Variants in TIMM22 observed in about 807,000 individuals in gnomAD.
TIMM22 encodes translocase of inner mitochondrial membrane 22.
Under a neutral mutation model 18.3 loss-of-function variants are expected in TIMM22, and 12 were observed. The ratio of observed to expected loss-of-function variants is 0.65; its 90% confidence interval spans 0.42 to 1.06. TIMM22 has a LOEUF of 1.06. Ranked by LOEUF, TIMM22 falls within the 50% of genes least tolerant of loss-of-function variation. TIMM22 has a pLI of 0.00. For missense variants in TIMM22, 278 were observed against 252.8 expected, an observed-to-expected ratio of 1.10 and a Z score of -0.68; for synonymous variants, 107 against 98.5, an observed-to-expected ratio of 1.09 and a Z score of -0.51.
rs1208529659 is a variant in TIMM22, at chr17:1,000,999, GT to G, written c.509-10del. 6.2e-7 allele frequency: 1 copy of G among 1,613,840 alleles called. No homozygotes were observed. The highest frequency in any genetic ancestry group is 1.3e-5 in the African/African-American group (1 of 75,060). ...TGTCACCACAGGTCATGTTCTTTCT[GT>G]TTGTTTGACAGCTGGCTTAAAGGCT... On this transcript the variant is annotated splice_polypyrimidine_tract_variant and intron_variant, in intron 3 of 3. Transcript: ENST00000327158.
At chr17:999,017 C>T in intron 2 of TIMM22, 42 bp downstream of exon 2, 1 of 1,559,486 alleles carries the variant, frequency 6.4e-7, no homozygotes, top group South Asian at 1.2e-5. Flanking sequence ...CTGGGGCCAC[C>T]ATTTCATTAC....
intron 2 of TIMM22, 119 bp downstream of exon 2, chr17:999,094 C>A: frequency 9.6e-7 from 1 of 1,036,670 alleles, no homozygotes; most frequent in Non-Finnish European, 1.4e-6. Context: ...TCAGAAGCAT[C>A]AGATACATTC....
chr17:1,001,278 C>T lies in TIMM22; in HGVS notation c.*190C>T, dbSNP rs1251639021. 1.6e-5 allele frequency: 9 copies of T among 562,520 alleles called. No homozygotes were observed. The highest frequency in any genetic ancestry group is 5.8e-5 in the South Asian group (3 of 51,658). The allele number at this position is 562,520 out of a possible 1,614,324, so 34.8% of individuals were successfully genotyped here. ...CCTTTGGGGTAGCCACACTTTGCTG[C>T]TCCTGGACTCCAGCCAGCCTTCACA... On this transcript the variant is annotated 3_prime_UTR_variant, in exon 4 of 4. Transcript: ENST00000327158.
At position 997,295 on chromosome 17, in the gene TIMM22, A is replaced by G; in HGVS notation, c.153A>G (p.Pro51=). The G allele has an allele frequency of 6.2e-7, 1 of 1,613,772 alleles. No individual in the cohort carries two copies. Among genetic ancestry groups the G allele is most frequent in the East Asian group, 2.2e-5 (1 of 44,862 alleles). The change falls in exon 1 of 4, where the codon CCA becomes CCG. Residue 51 remains proline (P), a synonymous_variant. Transcript: ENST00000327158. ...LLEPGSLGGI[P]SPAKSEEQKM... Reference sequence around the variant, plus strand: ...AGCCTGGGAGCCTGGGCGGGATCCCAAGTCCAGCCAAGAGTGAGGAGCAGA... The same window carrying G: ...AGCCTGGGAGCCTGGGCGGGATCCCGAGTCCAGCCAAGAGTGAGGAGCAGA...
chr17:999,381 A>G (rs868418337), intron 2 of TIMM22, 131 bp from the exon 3 acceptor site: 4 of 531,748 alleles, frequency 7.5e-6, no homozygotes, highest in South Asian at 3.6e-5. Flanking sequence ...CTTAGGAACT[A>G]TATTTTCAAG....
At position 1,002,273 on chromosome 17, in the gene TIMM22, G is replaced by A. The variant is rs1228674847; in HGVS notation, c.*1185G>A. On this transcript the variant is annotated 3_prime_UTR_variant, in exon 4 of 4. Transcript: ENST00000327158. ...TTTGCTCTTGGGTGGGGCACAGGCA[G>A]GTCGCTTGGTGGGGGCCACACAGTG... 1 of 152,346 alleles carries A rather than the reference G, an allele frequency of 6.6e-6. No individual in the cohort carries two copies. Among genetic ancestry groups the A allele is most frequent in the Non-Finnish European group, 1.5e-5 (1 of 68,160 alleles). The allele number at this position is 152,346 out of a possible 1,614,324, so 9.4% of individuals were successfully genotyped here.
chr17:999,358 T>TATACATACAC (rs1408779709), intron 2 of TIMM22, among the ~76,000 whole-genome samples, 154 bp from the exon 3 acceptor site: 6 of 132,584 alleles, frequency 4.5e-5, no homozygotes, highest in African/African-American at 1.9e-4. Flanking sequence ...TATATATATA[T>TATACATACAC]ACACGCTGTA....
At position 1,003,125 on chromosome 17, in the gene TIMM22, G is replaced by C. The variant is rs993664341; in HGVS notation, c.*2037G>C. On this transcript the variant is annotated 3_prime_UTR_variant, in exon 4 of 4. Transcript: ENST00000327158. ...TCTGACAAGCAGATTAGACCAAAAG[G>C]CTGCCTCAAAGATATGCCACTTTGA... The C allele has an allele frequency of 2.6e-5, 4 of 152,136 alleles. No individual in the cohort carries two copies. The highest frequency in any genetic ancestry group is 3.2e-3 in the Middle Eastern group (1 of 316). The allele number at this position is 152,136 out of a possible 1,614,324, so 9.4% of individuals were successfully genotyped here. A position where few individuals can be genotyped will look rare whatever the true frequency, so the allele number is the denominator to read the frequency against.
chr17:1,000,395 C>T (rs1483562178), intron 3 of TIMM22, among the ~76,000 whole-genome samples: 4 of 151,622 alleles, frequency 2.6e-5, no homozygotes, highest in African/African-American at 9.7e-5. Context: ...CCATTCAGAG[C>T]GTGGTGGAGG....
In TIMM22 at chr17:997,339, T is replaced by C; in HGVS notation, c.197T>C (p.Met66Thr). Residue 66 changes from methionine (M) to threonine (T), a missense_variant, in exon 1 of 4, where the codon ATG becomes ACG. Met to Thr is a moderately conservative substitution (Grantham distance 81). Coordinates refer to ENST00000327158, the MANE Select transcript of TIMM22 (RefSeq NM_013337.4). ...GAGCAGAAGATGATCGAGAAGGCGA[T>C]GGAAAGCTGCGCTTTCAAGGCTGCG... The part of the protein sequence containing the change: ...SEEQKMIEKA[M>T]ESCAFKAALA... 1 of 1,613,792 alleles carries C rather than the reference T, an allele frequency of 6.2e-7. No homozygotes were observed. The highest frequency in any genetic ancestry group is 8.5e-7 in the Non-Finnish European group (1 of 1,179,900).
In TIMM22 at chr17:1,003,244, G is replaced by A. The variant is rs1374865067; in HGVS notation, c.*2156G>A. Reference sequence around the variant, plus strand: ...TTCAAGGCACACCGATGGCCAGGTGGGACATTTGTACTGTAGCAGCACATG... The same window carrying A: ...TTCAAGGCACACCGATGGCCAGGTGAGACATTTGTACTGTAGCAGCACATG... On this transcript the variant is annotated 3_prime_UTR_variant, in exon 4 of 4. Coordinates refer to ENST00000327158, the MANE Select transcript of TIMM22 (RefSeq NM_013337.4). 1 of 152,212 alleles carries A rather than the reference G, an allele frequency of 6.6e-6. No individual in the cohort carries two copies. The highest frequency in any genetic ancestry group is 1.5e-5 in the Non-Finnish European group (1 of 68,042). 9.4% of individuals were successfully genotyped at this position (152,212 alleles called of 1,614,324 possible).
At position 1,002,135 on chromosome 17, in the gene TIMM22, G is replaced by A. The variant is rs1448928971; in HGVS notation, c.*1047G>A. The A allele has an allele frequency of 1.4e-5, 2 of 141,636 alleles. No individual in the cohort carries two copies. The highest frequency in any genetic ancestry group is 5.5e-5 in the African/African-American group (2 of 36,656). 8.8% of individuals were successfully genotyped at this position (141,636 alleles called of 1,614,324 possible). A position where few individuals can be genotyped will look rare whatever the true frequency, so the allele number is the denominator to read the frequency against. On this transcript the variant is annotated 3_prime_UTR_variant, in exon 4 of 4. Transcript: ENST00000327158. ...GTGGTATTTTTCTTGGCCTAGTTGT[G>A]TGCCATGGATATTAAAAAAAAAAAA...
intron 1 of TIMM22, among the ~76,000 whole-genome samples, chr17:998,437 A>G (rs1343144834): frequency 6.6e-6 from 1 of 152,236 alleles, no homozygotes; most frequent in African/African-American, 2.4e-5. Context: ...CATTACTGTG[A>G]ATGTCACAGT....
rs1253453620 is a variant in TIMM22 at position 1,003,059 on chromosome 17, A to ACTCT, written c.*1975_*1978dup. On this transcript the variant is annotated 3_prime_UTR_variant, in exon 4 of 4. Transcript: ENST00000327158. Reference sequence around the variant, plus strand: ...GTGGGAGCCAATATTCACGCCACTGACTCTCTCAAAGGGAGGGTGGGCCCT... The same window carrying ACTCT: ...GTGGGAGCCAATATTCACGCCACTGACTCTCTCTCTCAAAGGGAGGGTGGGCCCT... The ACTCT allele has an allele frequency of 6.6e-6, 1 of 151,928 alleles. No homozygotes were observed. The highest frequency in any genetic ancestry group is 2.1e-4 in the South Asian group (1 of 4,820). The allele number at this position is 151,928 out of a possible 1,614,324, so 9.4% of individuals were successfully genotyped here.
At chr17:999,317 C>G (rs1392330052) in intron 2 of TIMM22, among the ~76,000 whole-genome samples, 195 bp from the exon 3 acceptor site, 1 of 106,128 alleles carries the variant, frequency 9.4e-6, no homozygotes, top group South Asian at 2.9e-4. Context: ...CATCTATGAA[C>G]GCATACTATA....
chr17:999,356 T>TATAC (rs2069718724), intron 2 of TIMM22, among the ~76,000 whole-genome samples, 156 bp from the exon 3 acceptor site: 4 of 113,876 alleles, frequency 3.5e-5, no homozygotes, highest in Non-Finnish European at 7.4e-5. Context: ...TATATATATA[T>TATAC]ATACACGCTG....
At chr17:998,670 G>GTCC in intron 1 of TIMM22, 109 bp from the exon 2 acceptor site, 6 of 1,146,236 alleles carry the variant, frequency 5.2e-6, no homozygotes, top group Non-Finnish European at 7.3e-6. Context: ...AGAGGGGGGT[G>GTCC]TCCTCTGCAC....
Position 1,001,131 on chromosome 17 carries a change from G to A in TIMM22, c.*43G>A, listed in dbSNP as rs74971146. On this transcript the variant is annotated 3_prime_UTR_variant, in exon 4 of 4. Transcript: ENST00000327158. ...GAAGGATGATGCCAGCCCCGGATCC[G>A]GGCTGCTCTCTGGAGGACAGTTTCT... 128 of 1,606,162 alleles carry A rather than the reference G, an allele frequency of 8.0e-5. 1 individual carries two copies. In the East Asian group the frequency reaches 2.0e-3, roughly 25 times the overall value.
rs2069805070 is a variant in TIMM22 at position 1,003,460 on chromosome 17, A to ATATT, written c.*2375_*2378dup. On this transcript the variant is annotated 3_prime_UTR_variant, in exon 4 of 4. Coordinates refer to ENST00000327158, the MANE Select transcript of TIMM22 (RefSeq NM_013337.4). ...ATCTGGATGCAGCTGGAAGAGTTAA[A>ATATT]TATTTACATTGGTGGCTTCCCTGGA... 6.6e-6 allele frequency: 1 copy of ATATT among 152,646 alleles called. No homozygotes were observed. The allele number at this position is 152,646 out of a possible 1,614,324, so 9.5% of individuals were successfully genotyped here.
Sources: allele counts gnomAD v4.1 joint callset (sites outside exome capture counted in the v4.1 genomes callset), GRCh38; gene constraint gnomAD v4.1.1; transcripts MANE v1.5; gene names NCBI Gene and HGNC (gene_info 2026-07-23, HGNC 2026-07-21).